MYLK4: variants seen among roughly 807,000 people sequenced by gnomAD.
MYLK4 encodes caMLCK like.
In MYLK4, 46 loss-of-function variants were observed where a neutral mutation model predicts 48.1. That is an observed-to-expected ratio of 0.96 (90% CI 0.75 to 1.22). The LOEUF (loss-of-function observed/expected upper bound fraction) is 1.22. Among genes scored for constraint, MYLK4 ranks in the 50% most tolerant of loss-of-function variants. MYLK4 has a pLI of 0.00. For missense variants in MYLK4, 451 were observed against 486.1 expected, an observed-to-expected ratio of 0.93 and a Z score of 0.68; for synonymous variants, 170 against 180.8, an observed-to-expected ratio of 0.94 and a Z score of 0.48.
rs1443713227 is a variant in MYLK4, at chr6:2,685,700, A to G, written c.342-124T>C. The G allele has an allele frequency of 2.0e-5, 15 of 750,610 alleles. No homozygotes were observed. The highest frequency in any genetic ancestry group is 2.9e-5 in the Non-Finnish European group (13 of 451,194). The allele number at this position is 750,610 out of a possible 1,614,324, so 46.5% of individuals were successfully genotyped here. A position where few individuals can be genotyped will look rare whatever the true frequency, so the allele number is the denominator to read the frequency against. ...GAGCAGCCCTCTGAGGAGTTCTTTC[A>G]GTAAACTTCTAGAGCAGTATTTGTC... On this transcript the variant is annotated intron_variant, in intron 4 of 12. Transcript: ENST00000274643. The surrounding 1 kb of genome is among the most constrained non-coding windows in gnomAD (Gnocchi z 4.5).
intron 2 of MYLK4, among the ~76,000 whole-genome samples, chr6:2,730,077 A>G (rs1490094905): frequency 4.6e-5 from 7 of 152,252 alleles, no homozygotes; most frequent in African/African-American, 1.4e-4. Context: ...GTAGCTAAGA[A>G]CAGCGTGCTG....
intron 2 of MYLK4, among the ~76,000 whole-genome samples, chr6:2,709,551 T>A (rs1762601638): frequency 6.6e-6 from 1 of 152,210 alleles, no homozygotes; most frequent in African/African-American, 2.4e-5. Context: ...GCACCAGGAA[T>A]TCAACAAACA....
At chr6:2,725,645 AAGAG>A (rs1157158358) in intron 2 of MYLK4, among the ~76,000 whole-genome samples, 30 of 139,242 alleles carry the variant, frequency 2.2e-4, no homozygotes, top group East Asian at 1.8e-3. Flanking sequence ...GAAAGAAGGA[AAGAG>A]AGAGAGAGAA....
At chr6:2,699,232 A>T (rs1762181359) in intron 2 of MYLK4, among the ~76,000 whole-genome samples, 1 of 150,654 alleles carries the variant, frequency 6.6e-6, no homozygotes, top group African/African-American at 2.4e-5. Flanking sequence ...TTTTATTATA[A>T]TATACATTGA....
intron 4 of MYLK4, among the ~76,000 whole-genome samples, chr6:2,688,470 A>T (rs1761645511): frequency 6.6e-6 from 1 of 152,260 alleles, no homozygotes; most frequent in Admixed American, 6.5e-5. Context: ...TAGTAACAAC[A>T]TAAATGAAAA....
intron 2 of MYLK4, among the ~76,000 whole-genome samples, chr6:2,713,935 G>A (rs970133943): frequency 6.6e-6 from 1 of 152,118 alleles, no homozygotes; most frequent in African/African-American, 2.4e-5. Flanking sequence ...AATAATACAA[G>A]CCCAAACCAC....
At chr6:2,690,574 G>A (rs1020818054) in intron 3 of MYLK4, among the ~76,000 whole-genome samples, 1 of 152,106 alleles carries the variant, frequency 6.6e-6, no homozygotes, top group African/African-American at 2.4e-5. Context: ...TGATAGAGGT[G>A]ACCATTTCGG....
the MYLK4 span, among the ~76,000 whole-genome samples, chr6:2,759,912 T>C: frequency 6.6e-6 from 1 of 152,222 alleles, no homozygotes; most frequent in East Asian, 1.9e-4. Context: ...TTTCCAATAA[T>C]TTGACAATAC....
At chr6:2,759,345 G>T in the MYLK4 span, among the ~76,000 whole-genome samples, 2 of 152,182 alleles carry the variant, frequency 1.3e-5, no homozygotes, top group Non-Finnish European at 2.9e-5. Flanking sequence ...GGGTTCAAGT[G>T]ATCCTCCTGC....
intron 2 of MYLK4, among the ~76,000 whole-genome samples, chr6:2,723,535 C>G (rs758539176): frequency 3.9e-5 from 6 of 152,256 alleles, no homozygotes; most frequent in Non-Finnish European, 8.8e-5. Flanking sequence ...GCTTGAGGTT[C>G]TCTCGCCCTC....
chr6:2,768,720 C>G, the MYLK4 span: 1 of 1,612,018 alleles, frequency 6.2e-7, no homozygotes, highest in Non-Finnish European at 8.5e-7. Flanking sequence ...TAGCCAGCAA[C>G]AGCAAGAAAC....
the MYLK4 span, chr6:2,768,761 C>T: frequency 5.0e-6 from 8 of 1,613,804 alleles, no homozygotes; most frequent in Non-Finnish European, 6.8e-6. Flanking sequence ...TTATCTGCAA[C>T]AAATGCCAAG....
At position 2,664,710 on chromosome 6, in the gene MYLK4, T is replaced by C. The variant is rs1463255599; in HGVS notation, c.*3215A>G. On this transcript the variant is annotated 3_prime_UTR_variant, in exon 13 of 13. Coordinates refer to ENST00000274643, the MANE Select transcript of MYLK4 (RefSeq NM_001012418.5). Reference sequence around the variant, plus strand: ...AATGGCAACATGCCTACTTACATTTTTGAGGAAAGAAAGCAAATTAATATC... The same window carrying C: ...AATGGCAACATGCCTACTTACATTTCTGAGGAAAGAAAGCAAATTAATATC... 1 of 152,242 alleles carries C rather than the reference T, an allele frequency of 6.6e-6. No homozygotes were observed. Among genetic ancestry groups the C allele is most frequent in the Non-Finnish European group, 1.5e-5 (1 of 68,050 alleles). The allele number at this position is 152,242 out of a possible 1,614,324, so 9.4% of individuals were successfully genotyped here.
chr6:2,669,474 C>A (rs555187691), intron 12 of MYLK4, among the ~76,000 whole-genome samples: 1 of 152,342 alleles, frequency 6.6e-6, no homozygotes, highest in East Asian at 1.9e-4. Flanking sequence ...TGGAATGCAA[C>A]CCTGGCACCC....
chr6:2,736,826 T>C (rs1561876991), intron 2 of MYLK4, among the ~76,000 whole-genome samples: 1 of 152,182 alleles, frequency 6.6e-6, no homozygotes. Flanking sequence ...GACACAAAGG[T>C]TCTGGACAAG....
At chr6:2,743,627 C>A (rs147631710) in intron 2 of MYLK4, among the ~76,000 whole-genome samples, 2 of 152,122 alleles carry the variant, frequency 1.3e-5, no homozygotes, top group Non-Finnish European at 2.9e-5. Context: ...GGAAGAGATA[C>A]GGACATTATT....
intron 2 of MYLK4, among the ~76,000 whole-genome samples, chr6:2,731,107 G>GGTAA (rs1248656997): frequency 3.9e-5 from 6 of 152,106 alleles, no homozygotes; most frequent in African/African-American, 1.4e-4. Context: ...GAAAACTAGA[G>GGTAA]GTAAGTAATG....
At chr6:2,737,618 T>A (rs2113346346) in intron 2 of MYLK4, among the ~76,000 whole-genome samples, 1 of 152,144 alleles carries the variant, frequency 6.6e-6, no homozygotes, top group South Asian at 2.1e-4. Flanking sequence ...TGACAGAATA[T>A]GACAGGGAGG....
intron 2 of MYLK4, among the ~76,000 whole-genome samples, chr6:2,708,536 A>T (rs1311659685): frequency 6.6e-6 from 1 of 152,188 alleles, no homozygotes; most frequent in Non-Finnish European, 1.5e-5. Context: ...ATTTACTTTG[A>T]CTTAAACTGT....
Sources: gnomAD v4.1 joint callset for allele counts (sites outside exome capture counted in the v4.1 genomes callset) on GRCh38, gnomAD v4.1.1 for gene constraint, Gnocchi (gnomAD v3.1) non-coding constraint, MANE v1.5 for transcripts, NCBI Gene and HGNC (gene_info 2026-07-23, HGNC 2026-07-21) for gene names.